The following SLC25A21 variants were observed in gnomAD, a reference collection of about 807,000 sequenced individuals.
The protein encoded by SLC25A21 is mitochondrial 2-oxodicarboxylate carrier.
In SLC25A21, 47 loss-of-function variants were observed where a neutral mutation model predicts 43.8. The observed-to-expected ratio is 1.07, with a 90% CI of 0.85 to 1.37. The LOEUF (loss-of-function observed/expected upper bound fraction) is 1.37, where lower values mean the gene tolerates loss of function less well. Ranked by LOEUF, SLC25A21 falls within the 40% of genes most tolerant of loss-of-function variation. The pLI is 0.00. For missense variants in SLC25A21, 352 were observed against 350.2 expected (o/e 1.00, Z -0.04); for synonymous variants, 131 against 121.3 (o/e 1.08, Z -0.52).
At chr14:37,122,744 T>C (rs1349692247) in intron 1 of SLC25A21, among the ~76,000 whole-genome samples, 1 of 152,198 alleles carries the variant, frequency 6.6e-6, no homozygotes, top group Non-Finnish European at 1.5e-5. Context: ...AGGAGCTGTA[T>C]CCTCCTTCCC....
At chr14:37,153,115 ACAGGAGAGCCCCTTGAC>A (rs1170455372) in intron 1 of SLC25A21, among the ~76,000 whole-genome samples, 1 of 152,176 alleles carries the variant, frequency 6.6e-6, no homozygotes, top group Admixed American at 6.5e-5. Context: ...AATCCTAGCC[ACAGGAGAGCCCCTTGAC>A]CATCCCAAGC....
intron 3 of SLC25A21, among the ~76,000 whole-genome samples, chr14:36,764,170 AAGAAAGAAAGAAAGAAAGAAAGAG>A (rs1566588221): frequency 9.5e-5 from 7 of 73,506 alleles, no homozygotes; most frequent in South Asian, 4.8e-4. Flanking sequence ...GAAAGAAAGA[AAGAAAGAAAGAAAGAAAGAAAGAG>A]AAAGAAAGAA....
chr14:36,903,788 A>G (rs1464460500), intron 1 of SLC25A21, among the ~76,000 whole-genome samples: 1 of 152,108 alleles, frequency 6.6e-6, no homozygotes, highest in African/African-American at 2.4e-5. Context: ...GTTTAGGAAC[A>G]TGTGCTCCTC....
At chr14:37,108,637 A>G (rs1225812036) in intron 1 of SLC25A21, among the ~76,000 whole-genome samples, 1 of 152,022 alleles carries the variant, frequency 6.6e-6, no homozygotes, top group African/African-American at 2.4e-5. Context: ...CCTTGCTGCT[A>G]CAGTAATGAG....
intron 2 of SLC25A21, among the ~76,000 whole-genome samples, chr14:36,830,752 C>T (rs1889009563): frequency 6.6e-6 from 1 of 152,152 alleles, no homozygotes; most frequent in Non-Finnish European, 1.5e-5. Context: ...AAACCCACAT[C>T]ATCCCCTCCT....
intron 2 of SLC25A21, among the ~76,000 whole-genome samples, chr14:36,845,613 G>A (rs1176397661): frequency 6.6e-6 from 1 of 152,150 alleles, no homozygotes; most frequent in African/African-American, 2.4e-5. Context: ...GTCTTAATTC[G>A]AACTATTTCA....
rs184854325 is a variant in SLC25A21, at chr14:36,957,696, G to A, written c.71-82692C>T. On this transcript the variant is annotated intron_variant, in intron 1 of 9. Transcript: ENST00000331299. Reference sequence around the variant, plus strand: ...ATGAGGATTTCAAATGCAGCCGCTGGTGTAAATAGTGCATTGAAACAGCAA... The same window carrying A: ...ATGAGGATTTCAAATGCAGCCGCTGATGTAAATAGTGCATTGAAACAGCAA... Among the ~76,000 whole-genome samples, 7 of 152,312 alleles carry A rather than the reference G, an allele frequency of 4.6e-5. No individual in the cohort carries two copies. In the East Asian group the frequency reaches 1.2e-3, roughly 25 times the overall value.
intron 3 of SLC25A21, among the ~76,000 whole-genome samples, chr14:36,807,584 TACAGGG>T (rs1377532212): frequency 6.6e-6 from 1 of 152,178 alleles, no homozygotes; most frequent in Non-Finnish European, 1.5e-5. Flanking sequence ...GGGGGTTTTC[TACAGGG>T]ACAGGTCTTT....
rs1248140643 is a variant in SLC25A21 at position 36,680,091 on chromosome 14, C to T, written c.*567G>A. 9 of 883,238 alleles carry T rather than the reference C, an allele frequency of 1.0e-5. No homozygotes were observed. Among genetic ancestry groups the T allele is most frequent in the Non-Finnish European group, 9.5e-6 (7 of 737,932 alleles). The allele number at this position is 883,238 out of a possible 1,614,324, so 54.7% of individuals were successfully genotyped here. A position where few individuals can be genotyped will look rare whatever the true frequency, so the allele number is the denominator to read the frequency against. On this transcript the variant is annotated 3_prime_UTR_variant, in exon 10 of 10. Transcript: ENST00000331299. ...TTACTAAAAAAAACCAACAGATTTA[C>T]ATTTTAACATAGTATTCATAAAATT...
chr14:36,817,973 A>T (rs1465108805), intron 2 of SLC25A21, among the ~76,000 whole-genome samples: 1 of 152,226 alleles, frequency 6.6e-6, no homozygotes, highest in Non-Finnish European at 1.5e-5. Flanking sequence ...TCATTCAGTT[A>T]ATAAGAGTTC....
At chr14:37,010,735 T>G (rs1241356005) in intron 1 of SLC25A21, among the ~76,000 whole-genome samples, 2 of 152,178 alleles carry the variant, frequency 1.3e-5, no homozygotes, top group Non-Finnish European at 2.9e-5. Context: ...CTAAATTCTT[T>G]CTTTCCTTCC....
intron 1 of SLC25A21, among the ~76,000 whole-genome samples, chr14:36,899,273 G>GA (rs113441649): frequency 6.7e-5 from 10 of 149,676 alleles, no homozygotes; most frequent in South Asian, 4.2e-4. Flanking sequence ...AAAATGAAAA[G>GA]AAAAAAAAAT....
At chr14:37,068,387 G>C (rs1011246531) in intron 1 of SLC25A21, among the ~76,000 whole-genome samples, 1 of 152,172 alleles carries the variant, frequency 6.6e-6, no homozygotes, top group Non-Finnish European at 1.5e-5. Context: ...AGGAAAGAGT[G>C]TCTTAACTGT....
At chr14:36,989,216 C>T (rs1227978935) in intron 1 of SLC25A21, among the ~76,000 whole-genome samples, 1 of 152,176 alleles carries the variant, frequency 6.6e-6, no homozygotes, top group Non-Finnish European at 1.5e-5. Flanking sequence ...TCCTCTCCTA[C>T]AGTACATTCA....
At chr14:36,872,466 CAT>C (rs1414458955) in intron 2 of SLC25A21, among the ~76,000 whole-genome samples, 1 of 152,140 alleles carries the variant, frequency 6.6e-6, no homozygotes, top group Non-Finnish European at 1.5e-5. Flanking sequence ...GAGGTTCCCA[CAT>C]GTGAGTCTGC....
intron 1 of SLC25A21, among the ~76,000 whole-genome samples, chr14:36,997,858 A>C (rs1390562363): frequency 1.3e-5 from 2 of 152,016 alleles, no homozygotes; most frequent in Non-Finnish European, 2.9e-5. Context: ...AAACTTTCAG[A>C]GAGTGCTTTC....
intron 1 of SLC25A21, among the ~76,000 whole-genome samples, chr14:36,985,233 G>A (rs1014353603): frequency 1.3e-5 from 2 of 151,038 alleles, no homozygotes; most frequent in Non-Finnish European, 2.9e-5. Flanking sequence ...GCTAGATGAC[G>A]AGTTAGTGGG....
intron 1 of SLC25A21, among the ~76,000 whole-genome samples, chr14:36,905,376 T>TATTG (rs1352243612): frequency 4.6e-5 from 7 of 152,190 alleles, no homozygotes; most frequent in African/African-American, 1.7e-4. Context: ...GCATATTGAA[T>TATTG]CAATATTCCT....
chr14:36,893,061 A>C (rs1343104783), intron 1 of SLC25A21, among the ~76,000 whole-genome samples: 4 of 152,114 alleles, frequency 2.6e-5, no homozygotes, highest in South Asian at 2.1e-4. Context: ...TGGGTATATA[A>C]CCAGTAATGG....
Sources: gnomAD v4.1 joint callset for allele counts (sites outside exome capture counted in the v4.1 genomes callset) on GRCh38, gnomAD v4.1.1 for gene constraint, MANE v1.5 for transcripts, NCBI Gene and HGNC (gene_info 2026-07-23, HGNC 2026-07-21) for gene names.